Variants in TUSC3 observed in about 807,000 individuals in gnomAD.
TUSC3 encodes the protein dolichyl-diphosphooligosaccharide--protein glycosyltransferase subunit TUSC3.
A neutral mutation model predicts 44.8 loss-of-function variants in TUSC3; 45 were observed. The observed-to-expected ratio is 1.00, with a 90% CI of 0.79 to 1.29. The LOEUF is 1.29. Ranked by LOEUF, TUSC3 falls within the 50% of genes most tolerant of loss-of-function variation. The probability of loss-of-function intolerance (pLI) is 0.00; values close to 1 mark genes in which losing one functional copy is unlikely to be tolerated. For missense variants in TUSC3, 519 were observed against 437.9 expected, an observed-to-expected ratio of 1.19 and a Z score of -1.65; for synonymous variants, 212 against 152.9, an observed-to-expected ratio of 1.39 and a Z score of -2.85.
intron 2 of TUSC3, among the ~76,000 whole-genome samples, chr8:15,528,304 T>G (rs1801403161): frequency 6.6e-6 from 1 of 152,218 alleles, no homozygotes; most frequent in South Asian, 2.1e-4. Context: ...TTACCTCATT[T>G]GATGAGTTCA....
chr8:15,756,216 C>G (rs1414338178), intron 9 of TUSC3, among the ~76,000 whole-genome samples: 1 of 152,102 alleles, frequency 6.6e-6, no homozygotes, highest in Non-Finnish European at 1.5e-5. Context: ...AACTTTGGGG[C>G]TTAAAGTTAG....
intron 9 of TUSC3, among the ~76,000 whole-genome samples, chr8:15,754,934 TTCA>T (rs936584392): frequency 2.6e-5 from 4 of 152,108 alleles, no homozygotes; most frequent in African/African-American, 9.7e-5. Flanking sequence ...ATCTATGCCC[TTCA>T]TCATATTTTT....
intron 1 of TUSC3, among the ~76,000 whole-genome samples, chr8:15,460,397 T>A (rs1032820452): frequency 2.0e-5 from 3 of 152,088 alleles, no homozygotes; most frequent in Admixed American, 6.6e-5. Flanking sequence ...CTTGTTTTTT[T>A]ATCGCTGATT....
chr8:15,837,410 A>G, the TUSC3 span, among the ~76,000 whole-genome samples: 4,409 of 152,162 alleles, frequency 0.029, 216 homozygotes, highest in African/African-American at 0.1. Context: ...TGTCAGACTA[A>G]TTATACGTAC....
chr8:15,476,979 A>G (rs1800584386), intron 1 of TUSC3, among the ~76,000 whole-genome samples: 1 of 152,214 alleles, frequency 6.6e-6, no homozygotes, highest in Non-Finnish European at 1.5e-5. Context: ...ACTTCTATGC[A>G]CACGAAGAGT....
the TUSC3 span, among the ~76,000 whole-genome samples, chr8:15,850,110 C>CT: frequency 3.6e-5 from 3 of 83,196 alleles, no homozygotes; most frequent in African/African-American, 5.9e-5. Context: ...TCTTGTTTAT[C>CT]CTTTTTTTTT....
At chr8:15,529,268 T>C (rs1801420523) in intron 2 of TUSC3, among the ~76,000 whole-genome samples, 1 of 152,196 alleles carries the variant, frequency 6.6e-6, no homozygotes, top group South Asian at 2.1e-4. Flanking sequence ...TAAATTTACA[T>C]TGGCTTTGAT....
intron 1 of TUSC3, among the ~76,000 whole-genome samples, chr8:15,546,246 C>T (rs543048439): frequency 7.9e-5 from 12 of 151,786 alleles, no homozygotes; most frequent in African/African-American, 2.4e-4. Flanking sequence ...ATCCTTCCTT[C>T]GCCACATCTG....
At chr8:15,565,166 CTT>C (rs374023591) in intron 1 of TUSC3, among the ~76,000 whole-genome samples, 9 of 141,570 alleles carry the variant, frequency 6.4e-5, no homozygotes, top group Non-Finnish European at 3.1e-5. Flanking sequence ...TGAGGGGAGC[CTT>C]TTTTTTTTTT....
At chr8:15,718,695 T>C (rs1004473948) in intron 6 of TUSC3, among the ~76,000 whole-genome samples, 3 of 152,130 alleles carry the variant, frequency 2.0e-5, no homozygotes, top group Non-Finnish European at 4.4e-5. Flanking sequence ...TCTTTAATTT[T>C]CATAAACTTA....
At chr8:15,585,256 C>T (rs549324140) in intron 1 of TUSC3, among the ~76,000 whole-genome samples, 1 of 152,048 alleles carries the variant, frequency 6.6e-6, no homozygotes, top group Non-Finnish European at 1.5e-5. Context: ...CATTTGAAGT[C>T]CTTGGCAATT....
intron 2 of TUSC3, among the ~76,000 whole-genome samples, chr8:15,642,733 G>A (rs975659668): frequency 6.6e-6 from 1 of 152,200 alleles, no homozygotes; most frequent in African/African-American, 2.4e-5. Flanking sequence ...TGAGTATCAT[G>A]ATAGTTCCTG....
At chr8:15,836,002 A>G in the TUSC3 span, among the ~76,000 whole-genome samples, 13,997 of 152,160 alleles carry the variant, frequency 0.092, 751 homozygotes, top group Middle Eastern at 0.18. Context: ...TCCACTCTTT[A>G]GCTATATAAA....
At chr8:15,802,951 T>C in the TUSC3 span, among the ~76,000 whole-genome samples, 20,418 of 152,152 alleles carry the variant, frequency 0.13, 1,540 homozygotes, top group Middle Eastern at 0.2. Flanking sequence ...TCACCTGCAA[T>C]AACTGCGGCA....
At chr8:15,588,920 G>A (rs1337316482) in intron 1 of TUSC3, among the ~76,000 whole-genome samples, 1 of 152,118 alleles carries the variant, frequency 6.6e-6, no homozygotes, top group South Asian at 2.1e-4. Context: ...CTTTGTGTCT[G>A]TGTTTGTACT....
chr8:15,599,937 T>C (rs1804215204), intron 1 of TUSC3, among the ~76,000 whole-genome samples: 2 of 151,706 alleles, frequency 1.3e-5, no homozygotes, highest in African/African-American at 2.4e-5. Flanking sequence ...TCATCACTTA[T>C]TAGTTCCAAT....
At chr8:15,545,610 C>T (rs1324916890) in intron 1 of TUSC3, among the ~76,000 whole-genome samples, 1 of 151,628 alleles carries the variant, frequency 6.6e-6, no homozygotes, top group Admixed American at 6.6e-5. Context: ...GAGATAGGAG[C>T]TTGGTCAAAA....
chr8:15,540,685 G>A lies in TUSC3; in HGVS notation c.138+117G>A, dbSNP rs543389108. 28 of 1,363,102 alleles carry A rather than the reference G, an allele frequency of 2.1e-5. No homozygotes were observed. In the East Asian group the frequency reaches 7.2e-4, roughly 35 times the overall value. The allele number at this position is 1,363,102 out of a possible 1,614,324, so 84.4% of individuals were successfully genotyped here. On this transcript the variant is annotated intron_variant, in intron 1 of 10. Transcript: ENST00000503731. ...CTGGTCGCCGGCGTGGGCGATGCCG[G>A]CGCTGGGGCGGGAGCCGCGAGGGTG...
intron 2 of TUSC3, among the ~76,000 whole-genome samples, chr8:15,527,502 T>A (rs962032024): frequency 1.3e-5 from 2 of 152,122 alleles, no homozygotes; most frequent in African/African-American, 2.4e-5. Context: ...CAGATGTGAG[T>A]CACTGTGCCC....
Sources: allele counts gnomAD v4.1 joint callset (sites outside exome capture counted in the v4.1 genomes callset), GRCh38; gene constraint gnomAD v4.1.1; transcripts MANE v1.5; gene names NCBI Gene and HGNC (gene_info 2026-07-23, HGNC 2026-07-21).